The following ZNF727 variants were observed in gnomAD, a reference collection of about 807,000 sequenced individuals.
ZNF727 encodes the protein putative zinc finger protein 727.
Under a neutral mutation model 11.5 loss-of-function variants are expected in ZNF727, and 11 were observed. The observed-to-expected ratio is 0.95, with a 90% CI of 0.60 to 1.58. The LOEUF is 1.58. Ranked by LOEUF, ZNF727 falls within the 40% of genes most tolerant of loss-of-function variation. The probability of loss-of-function intolerance (pLI) is 0.00; values close to 1 mark genes in which losing one functional copy is unlikely to be tolerated. For synonymous variants in ZNF727, 171 were observed against 196.1 expected, an observed-to-expected ratio of 0.87 and a Z score of 1.07; for missense variants, 533 against 581.7, an observed-to-expected ratio of 0.92 and a Z score of 0.86.
At position 64,080,284 on chromosome 7, in the gene ZNF727, T is replaced by A. The variant is rs1373484129; in HGVS notation, c.*1735T>A. Among the ~76,000 whole-genome samples, 1 of 152,184 alleles carries A rather than the reference T, an allele frequency of 6.6e-6. No individual in the cohort carries two copies. Among genetic ancestry groups the A allele is most frequent in the African/African-American group, 2.4e-5 (1 of 41,458 alleles). ...CATTCTCTCCATCACTTTCAAGCAC[T>A]CTCTTTAATTATAGATTTGGTTTAT... On this transcript the variant is annotated 3_prime_UTR_variant, in exon 4 of 4. Transcript: ENST00000456806.
rs770098921 is a variant in ZNF727, at chr7:64,078,260, G to C, written c.1211G>C (p.Ser404Thr). The C allele has an allele frequency of 1.3e-5, 21 of 1,596,740 alleles. No individual in the cohort carries two copies. Among genetic ancestry groups the C allele is most frequent in the Admixed American group, 5.2e-5 (3 of 57,658 alleles). The change falls in exon 4 of 4, where the codon AGC becomes ACC. Residue 404 changes from serine (S) to threonine (T), a missense_variant. By Grantham distance (58) the Ser-to-Thr change is moderately conservative (BLOSUM62 1). Around this residue, in one of 3 missense-constraint regions of ZNF727, gnomAD observed 463 missense variants for 494.5 expected, o/e 0.94. Transcript: ENST00000456806. ...KPYKCEECGK[S>T]FTCSSNLIKH... is the part of the protein sequence containing the mutation. ...TACAAATGTGAAGAATGTGGCAAAA[G>C]CTTTACCTGCTCCTCAAACCTTATT...
At chr7:64,063,999 G>A (rs1789823243) in intron 1 of ZNF727, among the ~76,000 whole-genome samples, 1 of 151,832 alleles carries the variant, frequency 6.6e-6, no homozygotes, top group Non-Finnish European at 1.5e-5. Context: ...GAACTCTGCT[G>A]GGCCTGCTTC....
In ZNF727 at chr7:64,083,197, G is replaced by A. The variant is rs374119101; in HGVS notation, c.*4648G>A. 5.9e-5 allele frequency among the ~76,000 whole-genome samples: 9 copies of A among 152,170 alleles called. No individual in the cohort carries two copies. The highest frequency in any genetic ancestry group is 1.9e-4 in the East Asian group (1 of 5,168). ...CAGTCTGGCCATGTCTTTTTAGAGC[G>A]CCTGTACTGTGCTAGGAGATCCTTT... On this transcript the variant is annotated 3_prime_UTR_variant, in exon 4 of 4. Coordinates refer to ENST00000456806, the MANE Select transcript of ZNF727 (RefSeq NM_001159522.3).
intron 1 of ZNF727, among the ~76,000 whole-genome samples, chr7:64,067,903 TAA>T (rs5884534): frequency 6.6e-6 from 1 of 151,502 alleles, no homozygotes; most frequent in Non-Finnish European, 1.5e-5. Context: ...TTAAAGCTTT[TAA>T]AAAAAAGTTT....
chr7:64,074,572 G>T (rs1790012948), intron 3 of ZNF727, among the ~76,000 whole-genome samples: 1 of 152,150 alleles, frequency 6.6e-6, no homozygotes, highest in African/African-American at 2.4e-5. Flanking sequence ...ATTTGAGAGA[G>T]GCCAGGGACA....
In ZNF727 at chr7:64,071,518, G is replaced by A. The variant is rs370231576; in HGVS notation, c.226+1909G>A. On this transcript the variant is annotated intron_variant, in intron 3 of 3. Coordinates refer to ENST00000456806, the MANE Select transcript of ZNF727 (RefSeq NM_001159522.3). The stretch of plus-strand genomic sequence containing the variant: ...TATATGAGTTTCTTATGTTTCTTAT[G>A]TGTTTTTGATACTAACCACTTATCG... 1.6e-3 allele frequency among the ~76,000 whole-genome samples: 248 copies of A among 151,864 alleles called. 2 individuals carry two copies. The highest frequency in any genetic ancestry group is 5.8e-3 in the African/African-American group (239 of 41,466).
chr7:64,049,994 C>G (rs2116266738), intron 1 of ZNF727, among the ~76,000 whole-genome samples: 1 of 151,846 alleles, frequency 6.6e-6, no homozygotes, highest in South Asian at 2.1e-4. Context: ...TGAAGTTAAA[C>G]TTTCTATTAT....
chr7:64,057,020 TA>T (rs1322251229), intron 1 of ZNF727, among the ~76,000 whole-genome samples: 1 of 152,112 alleles, frequency 6.6e-6, no homozygotes, highest in Non-Finnish European at 1.5e-5. Context: ...AGTTCTTTTT[TA>T]TTTGAAATCT....
rs2116342579 is a variant in ZNF727 at position 64,083,115 on chromosome 7, T to A, written c.*4566T>A. On this transcript the variant is annotated 3_prime_UTR_variant, in exon 4 of 4. Coordinates refer to ENST00000456806, the MANE Select transcript of ZNF727 (RefSeq NM_001159522.3). The stretch of plus-strand genomic sequence containing the variant: ...CACCTGTGGTGGTAGCTGGAGACCC[T>A]GGTTGGGAACTGCTTTGCAGTGAGG... Among the ~76,000 whole-genome samples the A allele has an allele frequency of 1.3e-5, 2 of 152,306 alleles. No homozygotes were observed. Among genetic ancestry groups the A allele is most frequent in the South Asian group, 4.1e-4 (2 of 4,824 alleles).
intron 3 of ZNF727, 86 bp from the exon 4 acceptor site, chr7:64,077,190 T>C: frequency 7.9e-7 from 1 of 1,267,080 alleles, no homozygotes; most frequent in Non-Finnish European, 1.1e-6. Context: ...ACCTTGTTAA[T>C]GTGCTTTGTA....
rs1195962113 is a variant in ZNF727 at position 64,084,599 on chromosome 7, T to G, written c.*6050T>G. On this transcript the variant is annotated 3_prime_UTR_variant, in exon 4 of 4. Transcript: ENST00000456806. ...TGTTTTTCTTGTAACTACAGGTTAT[T>G]ATGATGTTTGTAATGAAGATGAGTA... Among the ~76,000 whole-genome samples the G allele has an allele frequency of 2.0e-5, 3 of 152,188 alleles. No homozygotes were observed. The highest frequency in any genetic ancestry group is 4.4e-5 in the Non-Finnish European group (3 of 68,008).
At chr7:64,066,505 G>T (rs1254842519) in intron 1 of ZNF727, among the ~76,000 whole-genome samples, 2 of 151,966 alleles carry the variant, frequency 1.3e-5, no homozygotes, top group Admixed American at 1.3e-4. Flanking sequence ...CCGCATATCT[G>T]CAGCCATCTG....
chr7:64,075,615 T>C (rs1790028004), intron 3 of ZNF727, among the ~76,000 whole-genome samples: 1 of 152,090 alleles, frequency 6.6e-6, no homozygotes, highest in East Asian at 1.9e-4. Context: ...TTATCTTAAG[T>C]AAATTAATGC....
intron 1 of ZNF727, among the ~76,000 whole-genome samples, chr7:64,059,537 A>T (rs1789738657): frequency 6.6e-6 from 1 of 152,180 alleles, no homozygotes; most frequent in Non-Finnish European, 1.5e-5. Context: ...CTAAAACTGG[A>T]TGTTGAGGCC....
At chr7:64,049,032 T>C (rs1355247970) in intron 1 of ZNF727, among the ~76,000 whole-genome samples, 1 of 152,142 alleles carries the variant, frequency 6.6e-6, no homozygotes, top group Non-Finnish European at 1.5e-5. Context: ...GGCACAGGTA[T>C]TGGCCAAGAA....
chr7:64,049,349 A>T (rs1263168530), intron 1 of ZNF727, among the ~76,000 whole-genome samples: 2 of 151,846 alleles, frequency 1.3e-5, no homozygotes, highest in Non-Finnish European at 2.9e-5. Context: ...TTAACCTCTA[A>T]ACCCAGCAAG....
Position 64,064,310 on chromosome 7 carries a change from T to TG in ZNF727, c.4-4580dup, listed in dbSNP as rs1225387591. On this transcript the variant is annotated intron_variant, in intron 1 of 3. Transcript: ENST00000456806. Reference sequence around the variant, plus strand: ...GATGTTTATTCAAGGTCGAAGGTGATGAATCCTGCCAGAACTGGTACCTTC... The same window carrying TG: ...GATGTTTATTCAAGGTCGAAGGTGATGGAATCCTGCCAGAACTGGTACCTTC... Among the ~76,000 whole-genome samples the TG allele has an allele frequency of 3.9e-5, 6 of 152,160 alleles. No homozygotes were observed. In the East Asian group the frequency reaches 9.6e-4, roughly 24 times the overall value.
At chr7:64,056,219 T>G (rs557852580) in intron 1 of ZNF727, among the ~76,000 whole-genome samples, 2 of 152,326 alleles carry the variant, frequency 1.3e-5, no homozygotes, top group East Asian at 3.9e-4. Context: ...GCTAGGTATA[T>G]TGATATCATC....
intron 3 of ZNF727, 64 bp downstream of exon 3, chr7:64,069,673 G>C (rs1390762676): frequency 7.8e-7 from 1 of 1,285,260 alleles, no homozygotes; most frequent in African/African-American, 1.5e-5. Context: ...GAGGAAGCCA[G>C]ACCTTGAAAC....
Sources: gnomAD v4.1 joint callset for allele counts (sites outside exome capture counted in the v4.1 genomes callset) on GRCh38, gnomAD v4.1.1 for gene constraint, gnomAD v4.1.1 regional missense constraint, MANE v1.5 for transcripts, NCBI Gene and HGNC (gene_info 2026-07-23, HGNC 2026-07-21) for gene names.